CHST11: variants seen among roughly 807,000 people sequenced by gnomAD.
CHST11 encodes C4S-1.
A neutral mutation model predicts 30.4 loss-of-function variants in CHST11; 9 were observed. The observed-to-expected ratio is 0.30, with a 90% confidence interval of 0.18 to 0.52. The LOEUF is 0.52. Among genes scored for constraint, CHST11 ranks in the 20% least tolerant of loss-of-function variants. The pLI is 0.97. For missense variants in CHST11, 348 were observed against 460.6 expected (o/e 0.76, Z 2.24); for synonymous variants, 152 against 187.8 (o/e 0.81, Z 1.56).
chr12:104,645,096 C>T (rs982664875), intron 2 of CHST11, among the ~76,000 whole-genome samples: 18 of 152,134 alleles, frequency 1.2e-4, no homozygotes, highest in East Asian at 3.9e-4. Context: ...TACAGGCACC[C>T]GCCACCACGC....
chr12:104,742,853 C>G (rs1312604771), intron 2 of CHST11, among the ~76,000 whole-genome samples: 3 of 152,234 alleles, frequency 2.0e-5, no homozygotes, highest in Non-Finnish European at 2.9e-5. Context: ...CAGCGTCCCT[C>G]CCTCATCAAA....
intron 1 of CHST11, among the ~76,000 whole-genome samples, chr12:104,538,400 C>T (rs1299873737): frequency 6.6e-6 from 1 of 152,236 alleles, no homozygotes; most frequent in African/African-American, 2.4e-5. Flanking sequence ...TGAGTTATCA[C>T]TGTTGATGTT....
intron 2 of CHST11, among the ~76,000 whole-genome samples, chr12:104,711,480 A>T (rs73191451): frequency 0.039 from 5,991 of 152,020 alleles, 150 homozygotes; most frequent in Non-Finnish European, 0.055. Flanking sequence ...TTTTTTTTTT[A>T]AAGTCCTTAA....
intron 1 of CHST11, among the ~76,000 whole-genome samples, chr12:104,597,436 T>G (rs1177193735): frequency 6.6e-6 from 1 of 152,138 alleles, no homozygotes; most frequent in Non-Finnish European, 1.5e-5. Context: ...AGGGATTTCT[T>G]TTGCGGGGCT....
rs765642460 is a variant in CHST11, at chr12:104,514,421, C to T, written c.118+56892C>T. ...TCTTCTGTTTGATGGTTGCCTTCCTCATCCTCTTCACCATGTGAGACTCTG... is the reference window on the plus strand; with the variant it reads ...TCTTCTGTTTGATGGTTGCCTTCCTTATCCTCTTCACCATGTGAGACTCTG... On this transcript the variant is annotated intron_variant, in intron 1 of 2. Transcript: ENST00000303694. The T allele has an allele frequency of 3.3e-6, 3 of 914,388 alleles. No individual in the cohort carries two copies. In the African/African-American group the frequency reaches 4.9e-5, roughly 15 times the overall value. The allele number at this position is 914,388 out of a possible 1,614,324, so 56.6% of individuals were successfully genotyped here. A position where few individuals can be genotyped will look rare whatever the true frequency, so the allele number is the denominator to read the frequency against.
chr12:104,589,492 T>C (rs915968239), intron 1 of CHST11, among the ~76,000 whole-genome samples: 1 of 152,118 alleles, frequency 6.6e-6, no homozygotes, highest in East Asian at 1.9e-4. Flanking sequence ...GGAGTTGTTA[T>C]TTAATAAGTA....
chr12:104,723,137 G>A (rs1256461429), intron 2 of CHST11, among the ~76,000 whole-genome samples: 1 of 152,102 alleles, frequency 6.6e-6, no homozygotes, highest in Non-Finnish European at 1.5e-5. Flanking sequence ...CCTCCCCTGG[G>A]AGTCATGATA....
chr12:104,671,985 C>G (rs908353611), intron 2 of CHST11, among the ~76,000 whole-genome samples: 2 of 152,176 alleles, frequency 1.3e-5, no homozygotes, highest in Non-Finnish European at 2.9e-5. Context: ...GCACAGTTCC[C>G]AGGCAGCATT....
At chr12:104,662,397 A>T (rs577552216) in intron 2 of CHST11, among the ~76,000 whole-genome samples, 2 of 152,248 alleles carry the variant, frequency 1.3e-5, no homozygotes, top group South Asian at 4.2e-4. Flanking sequence ...AAATGGCAGA[A>T]CTCCATAGAA....
At chr12:104,516,193 A>G (rs2135984845) in intron 1 of CHST11, among the ~76,000 whole-genome samples, 1 of 152,288 alleles carries the variant, frequency 6.6e-6, no homozygotes, top group East Asian at 1.9e-4. Context: ...CTCACTAGAT[A>G]CTTGTTGTGA....
intron 1 of CHST11, among the ~76,000 whole-genome samples, chr12:104,480,380 A>C (rs1326035938): frequency 6.6e-6 from 1 of 152,152 alleles, no homozygotes; most frequent in African/African-American, 2.4e-5. Flanking sequence ...GTTTGAGACC[A>C]GCCTGGCCAA....
At chr12:104,482,085 A>G (rs2037629486) in intron 1 of CHST11, among the ~76,000 whole-genome samples, 1 of 151,720 alleles carries the variant, frequency 6.6e-6, no homozygotes, top group Admixed American at 6.6e-5. Flanking sequence ...TCCTGACCTC[A>G]AGCGATCCAC....
At chr12:104,637,971 A>T (rs556855774) in intron 2 of CHST11, among the ~76,000 whole-genome samples, 1 of 152,182 alleles carries the variant, frequency 6.6e-6, no homozygotes, top group African/African-American at 2.4e-5. Context: ...CTCCTTACAA[A>T]ATTCACCACC....
At chr12:104,475,861 G>T (rs1434100102) in intron 1 of CHST11, among the ~76,000 whole-genome samples, 1 of 143,646 alleles carries the variant, frequency 7.0e-6, no homozygotes, top group Admixed American at 7.2e-5. Context: ...TTCCTGGGTG[G>T]CAGGGATTAG....
chr12:104,679,764 C>T (rs577413838), intron 2 of CHST11, among the ~76,000 whole-genome samples: 10 of 152,256 alleles, frequency 6.6e-5, no homozygotes, highest in East Asian at 1.9e-4. Context: ...CAGAGAAAGA[C>T]GCAATGGAGC....
intron 2 of CHST11, among the ~76,000 whole-genome samples, chr12:104,735,907 A>G (rs2040296506): frequency 6.6e-6 from 1 of 152,180 alleles, no homozygotes; most frequent in South Asian, 2.1e-4. Flanking sequence ...CTTGGAGCCC[A>G]GAAACTAGGG....
chr12:104,636,618 C>G (rs1444598704), intron 2 of CHST11, among the ~76,000 whole-genome samples: 1 of 152,144 alleles, frequency 6.6e-6, no homozygotes. Flanking sequence ...TTTTAAGAGC[C>G]TGGATGTGAG....
intron 2 of CHST11, among the ~76,000 whole-genome samples, chr12:104,649,975 G>A (rs1226372306): frequency 6.6e-6 from 1 of 152,132 alleles, no homozygotes; most frequent in Admixed American, 6.5e-5. Context: ...GCACCCAAAG[G>A]GCACTCCATC....
At chr12:104,692,603 C>T (rs2039906694) in intron 2 of CHST11, among the ~76,000 whole-genome samples, 2 of 152,046 alleles carry the variant, frequency 1.3e-5, no homozygotes, top group Admixed American at 6.5e-5. Flanking sequence ...TCCCTAATGC[C>T]CCTGGCCACA....
Sources: allele counts gnomAD v4.1 joint callset (sites outside exome capture counted in the v4.1 genomes callset), GRCh38; gene constraint gnomAD v4.1.1; transcripts MANE v1.5; gene names NCBI Gene and HGNC (gene_info 2026-07-23, HGNC 2026-07-21).